Variants in ZNF560 observed in about 807,000 individuals in gnomAD.
ZNF560 encodes zinc finger protein 560.
Under a neutral mutation model 81.8 loss-of-function variants are expected in ZNF560, and 54 were observed. That is an observed-to-expected ratio of 0.66 (90% CI 0.53 to 0.83). ZNF560 has a LOEUF of 0.83. ZNF560 is among the 40% of genes least tolerant of loss of function. ZNF560 has a pLI of 0.00. For missense variants in ZNF560, 940 were observed against 932.4 expected (o/e 1.01, Z -0.11); for synonymous variants, 321 against 317.9 (o/e 1.01, Z -0.10).
chr19:9,467,904 T>C lies in ZNF560; in HGVS notation c.1043A>G (p.Tyr348Cys). The C allele has an allele frequency of 6.2e-7, 1 of 1,614,168 alleles. No homozygotes were observed. The highest frequency in any genetic ancestry group is 2.2e-5 in the East Asian group (1 of 44,880). ...ATCTTTTCCACATTCCTTACATTCA[T>C]AGGGGTTTTTAATAATGTGTGTTTC... ...NVETHIIKNP[Y>C]ECKECGKDFR... The change falls in exon 10 of 10, where the codon TAT becomes TGT. Residue 348 changes from tyrosine (Y) to cysteine (C), a missense_variant. Coordinates refer to ENST00000301480, the MANE Select transcript of ZNF560 (RefSeq NM_152476.3).
At chr19:9,468,362 G>A (rs1434844976) in intron 9 of ZNF560, 28 bp from the exon 10 acceptor site, 1 of 1,527,122 alleles carries the variant, frequency 6.5e-7, no homozygotes, top group Non-Finnish European at 8.8e-7. Context: ...AACAATAAAG[G>A]AAGCATTTTA....
intron 2 of ZNF560, among the ~76,000 whole-genome samples, chr19:9,478,758 T>C (rs2073240809): frequency 6.6e-6 from 1 of 151,898 alleles, no homozygotes; most frequent in South Asian, 2.1e-4. Flanking sequence ...AAAGCAAAAA[T>C]GTATAGCCAA....
chr19:9,481,491 C>A (rs571976480), intron 2 of ZNF560, among the ~76,000 whole-genome samples: 1 of 152,268 alleles, frequency 6.6e-6, no homozygotes, highest in Non-Finnish European at 1.5e-5. Flanking sequence ...AGGCAACCTA[C>A]AGAATGGGAG....
intron 2 of ZNF560, among the ~76,000 whole-genome samples, chr19:9,494,965 C>G (rs1020586524): frequency 6.6e-6 from 1 of 152,006 alleles, no homozygotes; most frequent in Non-Finnish European, 1.5e-5. Context: ...CTGGTAGATT[C>G]TAGGAGCTGA....
chr19:9,457,476 G>A, the ZNF560 span, among the ~76,000 whole-genome samples: 1 of 152,202 alleles, frequency 6.6e-6, no homozygotes, highest in Non-Finnish European at 1.5e-5. Flanking sequence ...CCAGACTTAT[G>A]TAGGGCAAGC....
intron 2 of ZNF560, among the ~76,000 whole-genome samples, chr19:9,492,605 C>A (rs1222512766): frequency 6.6e-6 from 1 of 152,218 alleles, no homozygotes; most frequent in African/African-American, 2.4e-5. Flanking sequence ...TCATCACACA[C>A]CCCATCACTC....
intron 2 of ZNF560, among the ~76,000 whole-genome samples, chr19:9,483,204 G>A (rs185667579): frequency 1.0e-4 from 15 of 150,414 alleles, no homozygotes; most frequent in South Asian, 4.2e-4. Flanking sequence ...CCGCCATCCC[G>A]TCTAGGAAGA....
At chr19:9,488,586 C>A (rs2073421739) in intron 2 of ZNF560, among the ~76,000 whole-genome samples, 1 of 151,952 alleles carries the variant, frequency 6.6e-6, no homozygotes, top group African/African-American at 2.4e-5. Flanking sequence ...GAAAGATATA[C>A]AACATAATGC....
At chr19:9,500,079 C>T (rs1292723076), upstream of ZNF560, among the ~76,000 whole-genome samples, 1 of 151,994 alleles carries the variant, frequency 6.6e-6, no homozygotes, top group Non-Finnish European at 1.5e-5. Context: ...TGTGTAATTG[C>T]TCTGGCTAGA....
At chr19:9,483,815 G>A (rs560826395) in intron 2 of ZNF560, among the ~76,000 whole-genome samples, 1,869 of 151,652 alleles carry the variant, frequency 0.012, 35 homozygotes, top group African/African-American at 0.043. Flanking sequence ...CATTGAGAAC[G>A]GGCCATGATG....
chr19:9,504,840 A>G, the ZNF560 span, among the ~76,000 whole-genome samples: 1 of 152,180 alleles, frequency 6.6e-6, no homozygotes, highest in African/African-American at 2.4e-5. Flanking sequence ...TAATCCCAGC[A>G]CTCTGGGAGG....
At chr19:9,464,858 A>G (rs2072990505), downstream of ZNF560, among the ~76,000 whole-genome samples, 2 of 152,134 alleles carry the variant, frequency 1.3e-5, no homozygotes, top group African/African-American at 4.8e-5. Context: ...CCAGGCTTTG[A>G]CAGGTTTCAG....
chr19:9,469,652 G>T lies in ZNF560; in HGVS notation c.507C>A (p.Ser169Arg). ...CACCTTGGAGAACTCTTGGCAGTGT[G>T]CTCAACTCTTCCTCTTCCTCCAGCC... is the stretch of plus-strand genomic sequence containing the variant. ...ISWLEEEEELSTLPRVLQEWK... is the reference protein window; with the variant it reads ...ISWLEEEEELRTLPRVLQEWK... Residue 169 changes from serine to arginine, a missense_variant, in exon 8 of 10, where the codon AGC becomes AGA. Coordinates refer to ENST00000301480, the MANE Select transcript of ZNF560 (RefSeq NM_152476.3). 6.2e-7 allele frequency: 1 copy of T among 1,614,110 alleles called. No homozygotes were observed. The highest frequency in any genetic ancestry group is 2.2e-5 in the East Asian group (1 of 44,872).
chr19:9,460,597 G>A, the ZNF560 span, among the ~76,000 whole-genome samples: 2 of 152,082 alleles, frequency 1.3e-5, no homozygotes, highest in Non-Finnish European at 2.9e-5. Context: ...TTAAGCATCC[G>A]CCCATCTGTT....
At chr19:9,470,909 G>A (rs1198899738) in intron 6 of ZNF560, among the ~76,000 whole-genome samples, 1 of 152,148 alleles carries the variant, frequency 6.6e-6, no homozygotes, top group Non-Finnish European at 1.5e-5. Flanking sequence ...TAAATATGCA[G>A]TTGGCACCAG....
chr19:9,470,638 C>T, intron 6 of ZNF560, 120 bp from the exon 7 acceptor site: 1 of 1,399,498 alleles, frequency 7.1e-7, no homozygotes, highest in African/African-American at 1.4e-5. Context: ...CTATCTACAC[C>T]CCAAGGTTCA....
At chr19:9,469,460 G>A (rs1019646178) in intron 8 of ZNF560, among the ~76,000 whole-genome samples, 170 bp downstream of exon 8, 2 of 152,200 alleles carry the variant, frequency 1.3e-5, no homozygotes, top group African/African-American at 4.8e-5. Flanking sequence ...AGGTAATAGG[G>A]AAGTCTGGAT....
At chr19:9,483,878 G>C (rs2073343278) in intron 2 of ZNF560, among the ~76,000 whole-genome samples, 2 of 150,360 alleles carry the variant, frequency 1.3e-5, no homozygotes, top group Non-Finnish European at 3.0e-5. Context: ...GAAAGATAGA[G>C]AAATCAGATT....
the ZNF560 span, among the ~76,000 whole-genome samples, chr19:9,506,204 G>T: frequency 4.0e-5 from 6 of 151,850 alleles, no homozygotes; most frequent in East Asian, 3.9e-4. Context: ...TGTTGGCCAC[G>T]CTGGTCTCGA....
Sources: gnomAD v4.1 joint callset for allele counts (sites outside exome capture counted in the v4.1 genomes callset) on GRCh38, gnomAD v4.1.1 for gene constraint, MANE v1.5 for transcripts, NCBI Gene and HGNC (gene_info 2026-07-23, HGNC 2026-07-21) for gene names.